The following MSRA variants were observed in gnomAD, a reference collection of about 807,000 sequenced individuals.
MSRA encodes methionine sulfoxide reductase A.
MSRA carries 54 observed loss-of-function variants against 31.3 expected under a neutral mutation model. The observed-to-expected ratio is 1.73, with a 90% CI of 1.39 to 2.17. The LOEUF is 2.17. Ranked by LOEUF, MSRA falls within the 30% of genes most tolerant of loss-of-function variation. MSRA has a pLI of 0.00. For missense variants in MSRA, 507 were observed against 300.9 expected (o/e 1.69, Z -5.07); for synonymous variants, 169 against 116.5 (o/e 1.45, Z -2.90).
At chr8:10,092,928 A>G (rs1042683848) in intron 1 of MSRA, among the ~76,000 whole-genome samples, 10 of 152,198 alleles carry the variant, frequency 6.6e-5, no homozygotes, top group African/African-American at 2.4e-4. Context: ...TGTTAGCATT[A>G]TAAAACGTCC....
At chr8:10,079,533 G>C (rs568439044) in intron 1 of MSRA, among the ~76,000 whole-genome samples, 1 of 152,278 alleles carries the variant, frequency 6.6e-6, no homozygotes, top group South Asian at 2.1e-4. Context: ...CAGCCATGAC[G>C]TGAGCTCCTG....
chr8:10,385,404 TA>T (rs1453945380), intron 5 of MSRA, among the ~76,000 whole-genome samples: 1 of 152,144 alleles, frequency 6.6e-6, no homozygotes, highest in African/African-American at 2.4e-5. Flanking sequence ...GGAATCTGAG[TA>T]GAGTTTAGTC....
chr8:10,259,083 G>A (rs2129091864), intron 3 of MSRA, among the ~76,000 whole-genome samples: 1 of 151,306 alleles, frequency 6.6e-6, no homozygotes, highest in Admixed American at 6.6e-5. Flanking sequence ...CTCCAGCTTG[G>A]GTGACAGAGA....
At chr8:10,133,527 A>C (rs943313480) in intron 1 of MSRA, among the ~76,000 whole-genome samples, 2 of 151,842 alleles carry the variant, frequency 1.3e-5, no homozygotes, top group African/African-American at 4.8e-5. Flanking sequence ...TGGCTTCATC[A>C]CTCTAGGGTT....
intron 1 of MSRA, among the ~76,000 whole-genome samples, chr8:10,145,164 C>G (rs1310658138): frequency 6.6e-6 from 1 of 152,176 alleles, no homozygotes; most frequent in African/African-American, 2.4e-5. Flanking sequence ...GAGTCAAACT[C>G]CAGGGACAGG....
At chr8:10,403,337 C>T (rs1585695721) in intron 5 of MSRA, among the ~76,000 whole-genome samples, 2 of 152,152 alleles carry the variant, frequency 1.3e-5, no homozygotes, top group South Asian at 4.1e-4. Context: ...AAAGCCCTGT[C>T]GTGCTGTGTG....
chr8:10,298,560 G>T (rs958804599), intron 3 of MSRA, among the ~76,000 whole-genome samples: 12 of 152,104 alleles, frequency 7.9e-5, no homozygotes, highest in African/African-American at 2.9e-4. Flanking sequence ...AGTGATGATT[G>T]CAAAACATTG....
chr8:10,179,229 T>C (rs906542100), intron 1 of MSRA, among the ~76,000 whole-genome samples: 6 of 152,172 alleles, frequency 3.9e-5, no homozygotes, highest in African/African-American at 1.2e-4. Context: ...TTTTAACATA[T>C]AGCAAAATTA....
chr8:10,175,907 A>G lies in MSRA; in HGVS notation c.143-31926A>G, dbSNP rs533220080. On this transcript the variant is annotated intron_variant, in intron 1 of 5. Coordinates refer to ENST00000317173, the MANE Select transcript of MSRA (RefSeq NM_012331.5). ...GTTTATTTTTTATTCATTCCTTACA[A>G]TAGATGTAGCAGAATGGGATAAGGC... Among the ~76,000 whole-genome samples the G allele has an allele frequency of 2.6e-5, 4 of 152,298 alleles. No individual in the cohort carries two copies. In the East Asian group the frequency reaches 7.7e-4, roughly 29 times the overall value.
At chr8:10,361,911 C>T (rs937945881) in intron 5 of MSRA, among the ~76,000 whole-genome samples, 1 of 152,080 alleles carries the variant, frequency 6.6e-6, no homozygotes, top group East Asian at 1.9e-4. Flanking sequence ...TTCTTCCTTA[C>T]CGTTGTCTTC....
intron 1 of MSRA, among the ~76,000 whole-genome samples, chr8:10,173,364 G>T (rs1805763193): frequency 1.3e-5 from 2 of 152,222 alleles, no homozygotes; most frequent in African/African-American, 4.8e-5. Flanking sequence ...TGAAGAATCT[G>T]GGGGTGAAGA....
intron 2 of MSRA, among the ~76,000 whole-genome samples, chr8:10,221,136 A>C (rs1247474749): frequency 2.6e-5 from 4 of 152,198 alleles, no homozygotes; most frequent in East Asian, 3.8e-4. Context: ...GCAGAAAATG[A>C]GAGCCGCCTT....
At chr8:10,295,032 A>G (rs945693402) in intron 3 of MSRA, among the ~76,000 whole-genome samples, 8 of 152,112 alleles carry the variant, frequency 5.3e-5, no homozygotes, top group Admixed American at 3.9e-4. Context: ...GCGATAGATG[A>G]GTTTATTAGG....
chr8:10,068,381 A>C (rs1314605851), intron 1 of MSRA, among the ~76,000 whole-genome samples: 2 of 152,190 alleles, frequency 1.3e-5, no homozygotes, highest in Non-Finnish European at 2.9e-5. Context: ...GTATCTAAAA[A>C]GTTATTGCCA....
chr8:10,222,532 C>A (rs1156455699), intron 2 of MSRA, among the ~76,000 whole-genome samples: 2 of 152,116 alleles, frequency 1.3e-5, no homozygotes, highest in Non-Finnish European at 2.9e-5. Flanking sequence ...ATCACTATCT[C>A]AGAGATATTC....
intron 5 of MSRA, among the ~76,000 whole-genome samples, chr8:10,379,011 C>T (rs148821339): frequency 2.4e-4 from 36 of 152,324 alleles, no homozygotes; most frequent in African/African-American, 8.2e-4. Flanking sequence ...TATTTTTTTA[C>T]GCAGACATGC....
At chr8:10,117,329 C>G (rs917038444) in intron 1 of MSRA, among the ~76,000 whole-genome samples, 2 of 152,076 alleles carry the variant, frequency 1.3e-5, no homozygotes, top group African/African-American at 4.8e-5. Flanking sequence ...GGGAAAATTC[C>G]TAGAAGGGGC....
intron 1 of MSRA, among the ~76,000 whole-genome samples, chr8:10,181,993 G>A (rs1417446540): frequency 6.6e-6 from 1 of 152,118 alleles, no homozygotes; most frequent in African/African-American, 2.4e-5. Flanking sequence ...AGACATATGG[G>A]TGAAATACAA....
chr8:10,092,441 G>A (rs1455573929), intron 1 of MSRA, among the ~76,000 whole-genome samples: 3 of 152,058 alleles, frequency 2.0e-5, no homozygotes, highest in Non-Finnish European at 4.4e-5. Flanking sequence ...GGCAGATCAC[G>A]AGGTCAAGAG....
Sources: allele counts gnomAD v4.1 joint callset (sites outside exome capture counted in the v4.1 genomes callset), GRCh38; gene constraint gnomAD v4.1.1; transcripts MANE v1.5; gene names NCBI Gene and HGNC (gene_info 2026-07-23, HGNC 2026-07-21).